Variants in EYS observed in about 807,000 individuals in gnomAD.
EYS encodes EGF-like photoreceptor maintenance factor, also known as protein eyes shut homolog.
A neutral mutation model predicts 282.1 loss-of-function variants in EYS; 250 were observed. The ratio of observed to expected loss-of-function variants is 0.89; its 90% CI spans 0.80 to 0.98. The LOEUF is 0.98. Among genes scored for constraint, EYS ranks in the 50% least tolerant of loss-of-function variants. EYS has a pLI of 0.00. For synonymous variants in EYS, 1,355 were observed against 1,282.9 expected (o/e 1.06, Z -1.20); for missense variants, 4,016 against 3,709.0 (o/e 1.08, Z -2.15).
chr6:65,509,487 C>T (rs551916769), intron 2 of EYS, among the ~76,000 whole-genome samples: 3 of 151,916 alleles, frequency 2.0e-5, no homozygotes, highest in Non-Finnish European at 4.4e-5. Flanking sequence ...CTTTTTAATC[C>T]TTGTTTGCCA....
intron 4 of EYS, among the ~76,000 whole-genome samples, chr6:65,493,419 T>C (rs534193236): frequency 6.6e-6 from 1 of 152,226 alleles, no homozygotes; most frequent in Non-Finnish European, 1.5e-5. Flanking sequence ...TGTTTTCGTA[T>C]ACTATTATTA....
chr6:64,420,661 A>G (rs1490694579), intron 28 of EYS, among the ~76,000 whole-genome samples: 5 of 152,152 alleles, frequency 3.3e-5, no homozygotes, highest in Non-Finnish European at 7.3e-5. Context: ...TTCCTCTTGA[A>G]TGCCTTGCCA....
chr6:63,931,019 C>T (rs1764876024), intron 35 of EYS, among the ~76,000 whole-genome samples: 1 of 152,154 alleles, frequency 6.6e-6, no homozygotes, highest in Non-Finnish European at 1.5e-5. Flanking sequence ...ATCTTCTTAA[C>T]AGATTATATT....
intron 28 of EYS, among the ~76,000 whole-genome samples, chr6:64,411,966 T>TGTTTATATATTCATGC (rs1582720067): frequency 2.0e-5 from 3 of 150,764 alleles, no homozygotes; most frequent in South Asian, 2.1e-4. Flanking sequence ...TATGTATATA[T>TGTTTATATATTCATGC]ATACAAGTAT....
chr6:64,913,462 T>C (rs1004509879), intron 15 of EYS, among the ~76,000 whole-genome samples: 1 of 152,028 alleles, frequency 6.6e-6, no homozygotes, highest in Admixed American at 6.6e-5. Flanking sequence ...TTTATGTCCA[T>C]GTATACCCAT....
intron 22 of EYS, among the ~76,000 whole-genome samples, chr6:64,742,453 T>C (rs1772408439): frequency 2.0e-5 from 3 of 152,036 alleles, no homozygotes; most frequent in Admixed American, 6.6e-5. Flanking sequence ...GTGGCAAAAA[T>C]GGTGTCAATA....
intron 35 of EYS, among the ~76,000 whole-genome samples, chr6:63,941,905 C>T (rs1408441045): frequency 6.6e-6 from 1 of 152,172 alleles, no homozygotes; most frequent in Non-Finnish European, 1.5e-5. Flanking sequence ...TCCATTAATG[C>T]TTTGTCACTG....
Position 64,560,856 on chromosome 6 carries a change from A to T in EYS, c.5644+29367T>A, listed in dbSNP as rs6913827. On this transcript the variant is annotated intron_variant, in intron 26 of 42. Transcript: ENST00000503581. ...AGAATAGCATAGTCTGAGACGTATA[A>T]GAAATAACAAAACCTGGCAGAGACA... Among the ~76,000 whole-genome samples, 297 of 152,154 alleles carry T rather than the reference A, an allele frequency of 2.0e-3. 2 individuals are homozygous for T. The highest frequency in any genetic ancestry group is 6.7e-3 in the African/African-American group (280 of 41,558).
In EYS at chr6:65,114,363, AAAGC is replaced by A. The variant is rs1365226613; in HGVS notation, c.2024-56640_2024-56637del. Among the ~76,000 whole-genome samples the A allele has an allele frequency of 5.8e-4, 50 of 85,548 alleles. 1 individual carries two copies. The highest frequency in any genetic ancestry group is 3.7e-3 in the African/African-American group (49 of 13,094). The allele number at this position is 85,548 out of a possible 152,430, so 56.1% of individuals were successfully genotyped here. ...CTCATAAGTAGATTTGAAAAAAAAAAAAGCAGCAGCAGCAGCAGCAGAATCTTTA... is the reference window on the plus strand; with the variant it reads ...CTCATAAGTAGATTTGAAAAAAAAAAAGCAGCAGCAGCAGCAGAATCTTTA... On this transcript the variant is annotated intron_variant, in intron 12 of 42. Transcript: ENST00000503581.
At chr6:64,419,530 G>A (rs1206956002) in intron 28 of EYS, among the ~76,000 whole-genome samples, 1 of 152,178 alleles carries the variant, frequency 6.6e-6, no homozygotes, top group Non-Finnish European at 1.5e-5. Context: ...TTCTGCCTAT[G>A]AGCCTATAAA....
At chr6:64,121,595 G>A (rs1247262279) in intron 31 of EYS, among the ~76,000 whole-genome samples, 1 of 152,126 alleles carries the variant, frequency 6.6e-6, no homozygotes, top group African/African-American at 2.4e-5. Context: ...CCATTCACTT[G>A]TCTATACAGA....
At chr6:64,042,892 C>G (rs768484445) in intron 33 of EYS, among the ~76,000 whole-genome samples, 1 of 152,114 alleles carries the variant, frequency 6.6e-6, no homozygotes, top group Non-Finnish European at 1.5e-5. Flanking sequence ...ATGTCATAAA[C>G]TTTTCTAAAA....
chr6:63,728,310 A>G (rs986899604), intron 41 of EYS, among the ~76,000 whole-genome samples: 1 of 152,206 alleles, frequency 6.6e-6, no homozygotes, highest in Non-Finnish European at 1.5e-5. Context: ...CATTTTATAT[A>G]AACTATGCAT....
At chr6:64,573,231 C>T (rs565366629) in intron 26 of EYS, among the ~76,000 whole-genome samples, 1 of 152,144 alleles carries the variant, frequency 6.6e-6, no homozygotes, top group Non-Finnish European at 1.5e-5. Context: ...ATGCAGAAAG[C>T]TGAAACTGGA....
intron 26 of EYS, among the ~76,000 whole-genome samples, chr6:64,536,157 T>A (rs1212679329): frequency 1.3e-5 from 2 of 152,156 alleles, no homozygotes; most frequent in South Asian, 2.1e-4. Flanking sequence ...GTATTTTCAT[T>A]CATATCTTTT....
chr6:65,249,515 G>A (rs2150281846), intron 12 of EYS, among the ~76,000 whole-genome samples: 1 of 151,138 alleles, frequency 6.6e-6, no homozygotes. Context: ...AATAGCAAAA[G>A]GCCTAAATCC....
In EYS at chr6:65,587,665, G is replaced by A. The variant is rs557120543; in HGVS notation, c.-333+52113C>T. On this transcript the variant is annotated intron_variant, in intron 2 of 42. Coordinates refer to ENST00000503581, the MANE Select transcript of EYS (RefSeq NM_001142800.2). ...GTGAGAATGGACTTACACGAAAGGCGAACATAAATCCCTTTCTATTGGGAC... is the reference window on the plus strand; with the variant it reads ...GTGAGAATGGACTTACACGAAAGGCAAACATAAATCCCTTTCTATTGGGAC... 9.3e-4 allele frequency among the ~76,000 whole-genome samples: 142 copies of A among 152,076 alleles called. 5 individuals are homozygous for A. In the South Asian group the frequency reaches 0.025, roughly 26 times the overall value.
intron 35 of EYS, among the ~76,000 whole-genome samples, chr6:63,979,797 T>C (rs1267037753): frequency 1.3e-5 from 2 of 151,868 alleles, no homozygotes; most frequent in African/African-American, 4.8e-5. Context: ...TTCTCTGAAA[T>C]GAACAACCAC....
chr6:64,457,065 G>A (rs1775579955), intron 26 of EYS, among the ~76,000 whole-genome samples: 1 of 151,838 alleles, frequency 6.6e-6, no homozygotes, highest in Admixed American at 6.6e-5. Context: ...TTTGTATGCT[G>A]TGTTTTCATT....
Sources: allele counts gnomAD v4.1 joint callset (sites outside exome capture counted in the v4.1 genomes callset), GRCh38; gene constraint gnomAD v4.1.1; transcripts MANE v1.5; gene names NCBI Gene and HGNC (gene_info 2026-07-23, HGNC 2026-07-21).